Variants in ULK4 observed in about 807,000 individuals in gnomAD.
ULK4 encodes the protein inactive serine/threonine-protein kinase ULK4.
Under a neutral mutation model 160.6 loss-of-function variants are expected in ULK4, and 133 were observed. That is an observed-to-expected ratio of 0.83 (90% CI 0.72 to 0.96). ULK4 has a LOEUF of 0.96. Ranked by LOEUF, ULK4 falls within the 40% of genes least tolerant of loss-of-function variation. The pLI, the probability that ULK4 is intolerant of heterozygous loss-of-function variation, is 0.00. For missense variants in ULK4, 1,580 were observed against 1,499.5 expected (o/e 1.05, Z -0.89); for synonymous variants, 534 against 539.8 (o/e 0.99, Z 0.15).
In ULK4 at chr3:41,371,857, A is replaced by C. The variant is rs147952587; in HGVS notation, c.3678+26222T>G. 4.6e-5 allele frequency among the ~76,000 whole-genome samples: 7 copies of C among 152,146 alleles called. No homozygotes were observed. The East Asian group carries it at 1.4e-3, about 30-fold the overall frequency. On this transcript the variant is annotated intron_variant, in intron 35 of 36. Transcript: ENST00000301831. ...AATAATAAACTCCTCCAAGCTAAAG[A>C]GCATCTTCTAGCCCAATGCAAGGAA... is the stretch of plus-strand genomic sequence containing the variant.
chr3:41,597,537 T>G (rs2031775930), intron 31 of ULK4, among the ~76,000 whole-genome samples: 1 of 152,212 alleles, frequency 6.6e-6, no homozygotes, highest in African/African-American at 2.4e-5. Flanking sequence ...ATCAAGTCCC[T>G]GGTGAAACAA....
At chr3:41,357,608 G>A (rs998535456) in intron 35 of ULK4, among the ~76,000 whole-genome samples, 1 of 152,166 alleles carries the variant, frequency 6.6e-6, no homozygotes, top group African/African-American at 2.4e-5. Flanking sequence ...TTTGCTCACT[G>A]CCATTTGTCG....
intron 31 of ULK4, among the ~76,000 whole-genome samples, 171 bp downstream of exon 31, chr3:41,615,498 C>T (rs1271292560): frequency 6.6e-6 from 1 of 152,214 alleles, no homozygotes; most frequent in Non-Finnish European, 1.5e-5. Flanking sequence ...CAGAGCTTGA[C>T]ATTCCTTTAC....
intron 17 of ULK4, among the ~76,000 whole-genome samples, chr3:41,846,965 A>G (rs187520211): frequency 2.4e-3 from 367 of 152,346 alleles, no homozygotes; most frequent in African/African-American, 7.9e-3. Context: ...AGGCATATCT[A>G]TACCATCACT....
At chr3:41,557,433 T>C (rs2087339461) in intron 32 of ULK4, among the ~76,000 whole-genome samples, 1 of 151,936 alleles carries the variant, frequency 6.6e-6, no homozygotes, top group South Asian at 2.1e-4. Flanking sequence ...CAAAATTGCA[T>C]ATACAGAAAT....
chr3:41,472,353 G>A (rs2084014851), intron 32 of ULK4, among the ~76,000 whole-genome samples: 1 of 152,088 alleles, frequency 6.6e-6, no homozygotes, highest in East Asian at 1.9e-4. Context: ...CAGATGACCT[G>A]AGGTCAGGAG....
At chr3:41,545,219 C>A (rs960638448) in intron 32 of ULK4, among the ~76,000 whole-genome samples, 48 of 152,240 alleles carry the variant, frequency 3.2e-4, no homozygotes, top group South Asian at 1.2e-3. Flanking sequence ...ACCACATTCG[C>A]GTTCTCTCTT....
chr3:41,487,899 T>C (rs1049167489), intron 32 of ULK4, among the ~76,000 whole-genome samples: 3 of 152,204 alleles, frequency 2.0e-5, no homozygotes, highest in East Asian at 1.9e-4. Flanking sequence ...CTAGTGATTC[T>C]TACAAATCAC....
At chr3:41,360,280 G>T (rs1260797566) in intron 35 of ULK4, among the ~76,000 whole-genome samples, 1 of 152,204 alleles carries the variant, frequency 6.6e-6, no homozygotes, top group African/African-American at 2.4e-5. Flanking sequence ...TGCTGGTGAG[G>T]TTGTGGAGAA....
chr3:41,730,568 T>C (rs2037788932), intron 22 of ULK4, among the ~76,000 whole-genome samples: 1 of 152,042 alleles, frequency 6.6e-6, no homozygotes, highest in Non-Finnish European at 1.5e-5. Flanking sequence ...AATTGAATCA[T>C]GAAGAAATAA....
At position 41,754,523 on chromosome 3, in the gene ULK4, C is replaced by A. The variant is rs1221895787; in HGVS notation, c.2194-35G>T. 14 of 1,592,738 alleles carry A rather than the reference C, an allele frequency of 8.8e-6. No individual in the cohort carries two copies. In the Admixed American group the frequency reaches 9.0e-5, roughly 10 times the overall value. ...ACATTTAAACAATTTTTTGAGAGAA[C>A]ATAAAAAAATAGGGCAGTCTCAATT... On this transcript the variant is annotated intron_variant, in intron 21 of 36. Transcript: ENST00000301831.
At chr3:41,480,632 T>G (rs1364698003) in intron 32 of ULK4, among the ~76,000 whole-genome samples, 1 of 152,210 alleles carries the variant, frequency 6.6e-6, no homozygotes, top group Non-Finnish European at 1.5e-5. Flanking sequence ...TTGTATAATA[T>G]TCTATAGTTT....
At chr3:41,700,203 T>C (rs1400200734) in intron 27 of ULK4, among the ~76,000 whole-genome samples, 1 of 152,084 alleles carries the variant, frequency 6.6e-6, no homozygotes, top group Non-Finnish European at 1.5e-5. Context: ...CAGGGGGAGC[T>C]TTCAGACTAG....
chr3:41,841,146 C>T (rs1420200256), intron 17 of ULK4, among the ~76,000 whole-genome samples: 5 of 113,528 alleles, frequency 4.4e-5, no homozygotes, highest in South Asian at 2.6e-4. Flanking sequence ...GCCGCCACCC[C>T]GTCTGGGATG....
chr3:41,766,686 T>G (rs996761815), intron 21 of ULK4: 4 of 152,240 alleles, frequency 2.6e-5, no homozygotes, highest in African/African-American at 9.6e-5. Flanking sequence ...CTTAGTGGTG[T>G]TTTAAGAGCA....
chr3:41,605,614 G>A (rs756874557), intron 31 of ULK4, among the ~76,000 whole-genome samples: 12 of 151,890 alleles, frequency 7.9e-5, no homozygotes, highest in Non-Finnish European at 1.6e-4. Flanking sequence ...AAACAAAACT[G>A]ATCCAAAAGG....
intron 20 of ULK4, among the ~76,000 whole-genome samples, chr3:41,790,310 A>G (rs988308414): frequency 6.6e-6 from 1 of 152,232 alleles, no homozygotes; most frequent in African/African-American, 2.4e-5. Context: ...CATTTTATAG[A>G]TGATAAAACT....
rs142227012 is a variant in ULK4 at position 41,367,535 on chromosome 3, C to T, written c.3678+30544G>A. On this transcript the variant is annotated intron_variant, in intron 35 of 36. Coordinates refer to ENST00000301831, the MANE Select transcript of ULK4 (RefSeq NM_017886.4). Reference sequence around the variant, plus strand: ...GCTCCATGGCTGGAGCTGGGGCCCACGCTTCGCTCTTCCTCAAAACCCCTG... The same window carrying T: ...GCTCCATGGCTGGAGCTGGGGCCCATGCTTCGCTCTTCCTCAAAACCCCTG... Among the ~76,000 whole-genome samples, 1,064 of 152,250 alleles carry T rather than the reference C, an allele frequency of 7.0e-3. 11 individuals are homozygous for T. Among genetic ancestry groups the T allele is most frequent in the African/African-American group, 0.024 (1,011 of 41,538 alleles).
At chr3:41,539,488 A>C (rs919137863) in intron 32 of ULK4, among the ~76,000 whole-genome samples, 2 of 152,042 alleles carry the variant, frequency 1.3e-5, no homozygotes, top group African/African-American at 4.8e-5. Context: ...CTACTACCAT[A>C]ATCATTTGTG....
Sources: gnomAD v4.1 joint callset for allele counts (sites outside exome capture counted in the v4.1 genomes callset) on GRCh38, gnomAD v4.1.1 for gene constraint, MANE v1.5 for transcripts, NCBI Gene and HGNC (gene_info 2026-07-23, HGNC 2026-07-21) for gene names.